Variants in UNC13A observed in about 807,000 individuals in gnomAD.
The protein encoded by UNC13A is unc-13 homolog A, also known as protein unc-13 homolog A.
A neutral mutation model predicts 219.7 loss-of-function variants in UNC13A; 61 were observed. The ratio of observed to expected loss-of-function variants is 0.28; its 90% confidence interval spans 0.23 to 0.34. The LOEUF (loss-of-function observed/expected upper bound fraction) is 0.34. UNC13A is among the 10% of genes least tolerant of loss of function. The pLI, the probability that UNC13A is intolerant of heterozygous loss-of-function variation, is 1.00. For missense variants in UNC13A, 1,476 were observed against 2,270.3 expected (o/e 0.65, Z 7.11); for synonymous variants, 920 against 884.6 (o/e 1.04, Z -0.71).
At chr19:17,616,584 G>A in intron 41 of UNC13A, 1 of 519,786 alleles carries the variant, frequency 1.9e-6, no homozygotes, top group Non-Finnish European at 3.5e-6. Flanking sequence ...GAGGCGCGGA[G>A]AGGGGACGGC....
In UNC13A at chr19:17,623,486, C is replaced by A. The variant is rs567376170; in HGVS notation, c.4203+56G>T. 1.7e-5 allele frequency: 25 copies of A among 1,475,798 alleles called. No homozygotes were observed. In the African/African-American group the frequency reaches 2.9e-4, roughly 17 times the overall value. The allele number at this position is 1,475,798 out of a possible 1,614,324, so 91.4% of individuals were successfully genotyped here. A position where few individuals can be genotyped will look rare whatever the true frequency, so the allele number is the denominator to read the frequency against. On this transcript the variant is annotated intron_variant, in intron 36 of 43. Coordinates refer to ENST00000519716, the MANE Select transcript of UNC13A (RefSeq NM_001080421.3). ...AGAGGGGTGCAGCGACGCGGTGGGC[C>A]GAGTCCAGACACAGAGAGGACGGAC...
chr19:17,645,197 C>T (rs181748966), intron 19 of UNC13A, among the ~76,000 whole-genome samples: 66 of 149,572 alleles, frequency 4.4e-4, no homozygotes, highest in Middle Eastern at 3.6e-3. Context: ...TTAGTGGAGA[C>T]GGGGTTTCAC....
chr19:17,683,348 T>C (rs2080052973), intron 1 of UNC13A, among the ~76,000 whole-genome samples: 1 of 151,950 alleles, frequency 6.6e-6, no homozygotes, highest in African/African-American at 2.4e-5. Context: ...TATGAAATGC[T>C]GGGCTGGGCA....
chr19:17,646,892 A>AC (rs1224301353), intron 17 of UNC13A, among the ~76,000 whole-genome samples: 2 of 145,544 alleles, frequency 1.4e-5, no homozygotes, highest in East Asian at 4.6e-4. Flanking sequence ...GGATGGGCTG[A>AC]CCCCCTTGCC....
At chr19:17,630,339 C>T (rs1775768172) in intron 29 of UNC13A, 51 bp from the exon 30 acceptor site, 1 of 1,546,860 alleles carries the variant, frequency 6.5e-7, no homozygotes, top group African/African-American at 1.4e-5. Flanking sequence ...ACCAGAGAAT[C>T]CCTAGAGCCC....
In UNC13A at chr19:17,630,195, C is replaced by T. The variant is rs1055405161; in HGVS notation, c.3619G>A (p.Glu1207Lys). 1.4e-5 allele frequency: 21 copies of T among 1,552,240 alleles called. No individual in the cohort carries two copies. The highest frequency in any genetic ancestry group is 2.4e-5 in the East Asian group (1 of 40,946). Residue 1207 changes from glutamate (E) to lysine (K), a missense_variant, in exon 30 of 44, where the codon GAG (glutamate) becomes AAG (lysine). Glu to Lys is a moderately conservative substitution (Grantham distance 56, BLOSUM62 1). Transcript: ENST00000519716. ...CCCACGATCTGAGGGTCGGGACACT[C>T]GAGTTTCTTGATGATTTCAAAGCTC... ...NQSFEIIKKL[E>K]CPDPQIVGHY...
intron 43 of UNC13A, 56 bp from the exon 44 acceptor site, chr19:17,606,410 C>T: frequency 6.6e-7 from 1 of 1,521,290 alleles, no homozygotes; most frequent in Non-Finnish European, 8.8e-7. Context: ...ATGCCCCGCC[C>T]ACGGCCCCGT....
chr19:17,688,150 TC>T, intron 1 of UNC13A, 27 bp downstream of exon 1: 3 of 1,524,912 alleles, frequency 2.0e-6, no homozygotes, highest in East Asian at 2.7e-5. Flanking sequence ...TCCACACGGG[TC>T]CCCCGACCCC....
At chr19:17,644,804 AC>A (rs1347550047) in intron 19 of UNC13A, among the ~76,000 whole-genome samples, 1 of 151,528 alleles carries the variant, frequency 6.6e-6, no homozygotes, top group Non-Finnish European at 1.5e-5. Flanking sequence ...GGATCCTCCC[AC>A]CTTAGCCTCC....
chr19:17,686,837 G>A (rs1332000260), intron 1 of UNC13A, among the ~76,000 whole-genome samples: 2 of 151,808 alleles, frequency 1.3e-5, no homozygotes, highest in Non-Finnish European at 2.9e-5. Flanking sequence ...GGAGGGAGGA[G>A]GAGGGGCGGC....
intron 35 of UNC13A, 84 bp from the exon 36 acceptor site, chr19:17,623,631 G>A (rs183610951): frequency 1.9e-5 from 13 of 698,324 alleles, no homozygotes; most frequent in East Asian, 1.0e-4. Context: ...GGAGGGGGCA[G>A]AGATGGCAGC....
intron 28 of UNC13A, among the ~76,000 whole-genome samples, chr19:17,632,174 G>A (rs2076862811): frequency 6.6e-6 from 1 of 152,198 alleles, no homozygotes; most frequent in Admixed American, 6.5e-5. Flanking sequence ...GCCTCCCAAA[G>A]TGCTGAGATT....
chr19:17,639,380 C>G (rs1365598147), intron 24 of UNC13A, 56 bp downstream of exon 24: 8 of 1,581,788 alleles, frequency 5.1e-6, no homozygotes, highest in Non-Finnish European at 5.2e-6. Context: ...GTCCTGGGAG[C>G]TGGGGATCCT....
intron 8 of UNC13A, among the ~76,000 whole-genome samples, chr19:17,660,096 C>T (rs1251491244): frequency 6.6e-6 from 1 of 152,134 alleles, no homozygotes; most frequent in Admixed American, 6.6e-5. Flanking sequence ...GAGATGGGAT[C>T]TCCCTATATT....
chr19:17,622,025 CTGTG>C, intron 36 of UNC13A, 155 bp from the exon 37 acceptor site: 3 of 742,994 alleles, frequency 4.0e-6, no homozygotes, highest in Admixed American at 4.1e-5. Context: ...GTGTGTGTGT[CTGTG>C]TGTGTGCACA....
At chr19:17,617,638 T>C in intron 41 of UNC13A, 64 bp downstream of exon 41, 1 of 1,590,260 alleles carries the variant, frequency 6.3e-7, no homozygotes, top group Middle Eastern at 1.7e-4. Flanking sequence ...TGGCAGCCGT[T>C]CAGGCTTGGG....
rs1164003771 is a variant in UNC13A, at chr19:17,617,818, T to C, written c.4442A>G (p.Lys1481Arg). The C allele has an allele frequency of 9.9e-6, 16 of 1,613,876 alleles. No homozygotes were observed. The highest frequency in any genetic ancestry group is 1.3e-5 in the Non-Finnish European group (15 of 1,179,822). Residue 1481 changes from lysine (K) to arginine (R), a missense_variant, in exon 41 of 44, where the codon AAG (lysine) becomes AGG (arginine). By Grantham distance (26) the Lys-to-Arg change is conservative. Transcript: ENST00000519716. The stretch of plus-strand genomic sequence containing the variant: ...CGGGCTCTTCTCCAGGAAGGTCTTC[T>C]TGAGGCCCACGCCACCCGCGTGGAA... ...QYFHAGGVGL[K>R]KTFLEKSPDL...
At chr19:17,642,032 A>ACATCCATCCATCCATCCATCCATC (rs56041637) in intron 20 of UNC13A, among the ~76,000 whole-genome samples, 34 of 150,396 alleles carry the variant, frequency 2.3e-4, no homozygotes, top group Middle Eastern at 3.5e-3. Context: ...ATCTGCCTAT[A>ACATCCATCCATCCATCCATCCATC]CATCCATCCA....
chr19:17,607,056 C>T (rs950200721), intron 43 of UNC13A, among the ~76,000 whole-genome samples: 2 of 152,232 alleles, frequency 1.3e-5, no homozygotes, highest in Admixed American at 1.3e-4. Flanking sequence ...CCCTGGCTGA[C>T]ATCTGACCTC....
Sources: gnomAD v4.1 joint callset for allele counts (sites outside exome capture counted in the v4.1 genomes callset) on GRCh38, gnomAD v4.1.1 for gene constraint, MANE v1.5 for transcripts, NCBI Gene and HGNC (gene_info 2026-07-23, HGNC 2026-07-21) for gene names.